The following SETDB1 variants were observed in gnomAD, a reference collection of about 807,000 sequenced individuals.
SETDB1 encodes the protein SET domain bifurcated histone lysine methyltransferase 1, also known as histone-lysine N-methyltransferase SETDB1.
A neutral mutation model predicts 137.4 loss-of-function variants in SETDB1; 31 were observed. The ratio of observed to expected loss-of-function variants is 0.23; its 90% CI spans 0.17 to 0.30. The LOEUF (loss-of-function observed/expected upper bound fraction) is 0.30. SETDB1 is among the 10% of genes least tolerant of loss of function. SETDB1 has a pLI of 1.00. For missense variants in SETDB1, 1,113 were observed against 1,631.5 expected, an observed-to-expected ratio of 0.68 and a Z score of 5.47; for synonymous variants, 548 against 579.9, an observed-to-expected ratio of 0.95 and a Z score of 0.79.
intron 17 of SETDB1, 66 bp downstream of exon 17, chr1:150,962,224 A>G: frequency 6.9e-7 from 1 of 1,445,194 alleles, no homozygotes; most frequent in South Asian, 1.1e-5. Flanking sequence ...GCTGGAGTGC[A>G]GTGGCGTAAT....
chr1:150,929,822 C>G (rs1253495275), intron 2 of SETDB1, 145 bp from the exon 3 acceptor site: 2 of 694,906 alleles, frequency 2.9e-6, no homozygotes, highest in East Asian at 5.2e-5. Flanking sequence ...AAAAAGCATT[C>G]TAAATTCTAA....
At chr1:150,954,082 C>T (rs1367461387) in intron 14 of SETDB1, among the ~76,000 whole-genome samples, 1 of 152,088 alleles carries the variant, frequency 6.6e-6, no homozygotes, top group Admixed American at 6.6e-5. Context: ...TCTCTATCTC[C>T]TGACCTCATG....
At chr1:150,943,423 T>C (rs1025956490) in intron 7 of SETDB1, among the ~76,000 whole-genome samples, 3 of 152,210 alleles carry the variant, frequency 2.0e-5, no homozygotes, top group Non-Finnish European at 4.4e-5. Flanking sequence ...ATCCCTGTAA[T>C]CTTAGCACTT....
intron 3 of SETDB1, among the ~76,000 whole-genome samples, chr1:150,937,057 G>A (rs1268625115): frequency 2.0e-5 from 3 of 152,090 alleles, no homozygotes; most frequent in Non-Finnish European, 4.4e-5. Context: ...CCCGGGAGGC[G>A]GAGGTTGCTG....
intron 2 of SETDB1, 75 bp from the exon 3 acceptor site, chr1:150,929,892 A>G (rs1313800104): frequency 2.7e-5 from 33 of 1,231,516 alleles, no homozygotes; most frequent in Non-Finnish European, 3.8e-5. Context: ...TTAAATATAT[A>G]TACATCGTAA....
intron 14 of SETDB1, among the ~76,000 whole-genome samples, chr1:150,958,031 A>G (rs1021359183): frequency 2.6e-5 from 4 of 152,014 alleles, no homozygotes; most frequent in African/African-American, 9.7e-5. Context: ...TACTAAAAAT[A>G]CAAAATTAGC....
chr1:150,945,951 C>G (rs189644199), intron 9 of SETDB1, among the ~76,000 whole-genome samples: 21 of 152,296 alleles, frequency 1.4e-4, no homozygotes, highest in Admixed American at 1.2e-3. Flanking sequence ...ATCCACCTGC[C>G]TTGTCCTCCC....
chr1:150,957,659 A>G (rs587683809), intron 14 of SETDB1, among the ~76,000 whole-genome samples: 6 of 152,338 alleles, frequency 3.9e-5, no homozygotes, highest in Admixed American at 3.9e-4. Flanking sequence ...GGTATGTGCT[A>G]GATCCCTCTG....
At chr1:150,927,276 C>T (rs1269265469) in intron 1 of SETDB1, among the ~76,000 whole-genome samples, 3 of 152,156 alleles carry the variant, frequency 2.0e-5, no homozygotes, top group Non-Finnish European at 4.4e-5. Context: ...AAGGCGTGCA[C>T]CACCACACGT....
rs372230718 is a variant in SETDB1, at chr1:150,927,854, A to C, written c.140A>C (p.Glu47Ala). 2.5e-6 allele frequency: 4 copies of C among 1,614,032 alleles called. No individual in the cohort carries two copies. The highest frequency in any genetic ancestry group is 3.4e-6 in the Non-Finnish European group (4 of 1,180,038). The change falls in exon 2 of 22, where the codon GAA becomes GCA. Residue 47 changes from glutamate (E) to alanine (A), a missense_variant. This residue lies in a region of SETDB1 where 159 missense variants were observed against 188.6 expected (regional missense o/e 0.84). Coordinates refer to ENST00000692827, the MANE Select transcript of SETDB1 (RefSeq NM_001366418.1). ...MEELRHFIDE[E>A]LEKMDCVQQR... ...GAACTTCGGCATTTCATCGATGAGG[A>C]ACTGGAGAAGATGGATTGTGTACAG...
chr1:150,961,568 T>C (rs941808913), intron 16 of SETDB1: 3 of 258,444 alleles, frequency 1.2e-5, no homozygotes, highest in African/African-American at 4.6e-5. Context: ...GGCAGGAGAA[T>C]CGCTTGAACC....
chr1:150,961,482 C>CGTCT (rs1670820887), intron 16 of SETDB1: 1 of 360,776 alleles, frequency 2.8e-6, no homozygotes, highest in Admixed American at 4.4e-5. Flanking sequence ...GGTGAAACCC[C>CGTCT]GTCTCTACTA....
chr1:150,952,005 G>A (rs920787646), intron 14 of SETDB1, among the ~76,000 whole-genome samples: 5 of 135,044 alleles, frequency 3.7e-5, no homozygotes, highest in Admixed American at 2.7e-4. Flanking sequence ...AAAATTAGCC[G>A]GGGGTGGTGG....
intron 15 of SETDB1, 61 bp from the exon 16 acceptor site, chr1:150,960,501 CA>C (rs377737157): frequency 0.015 from 12,785 of 858,136 alleles, no homozygotes; most frequent in South Asian, 0.02. Context: ...AAAAAGCAAA[CA>C]AAAAAAAAAA....
Position 150,961,708 on chromosome 1 carries a change from G to A in SETDB1, c.3133-422G>A, listed in dbSNP as rs111774211. 8.3e-4 allele frequency: 151 copies of A among 181,610 alleles called. 1 individual carries two copies. The highest frequency in any genetic ancestry group is 3.4e-3 in the African/African-American group (145 of 42,134). The allele number at this position is 181,610 out of a possible 1,614,324, so 11.2% of individuals were successfully genotyped here. On this transcript the variant is annotated intron_variant, in intron 16 of 21. Coordinates refer to ENST00000692827, the MANE Select transcript of SETDB1 (RefSeq NM_001366418.1). The stretch of plus-strand genomic sequence containing the variant: ...TTGCCTGGTGGTAGAGGGTGGACAA[G>A]TATCTGATTAATTACAAAATGAAAG...
chr1:150,928,804 C>A (rs587667612), intron 2 of SETDB1, among the ~76,000 whole-genome samples: 1 of 151,016 alleles, frequency 6.6e-6, no homozygotes. Flanking sequence ...TCCAGGTGTT[C>A]TCATTGTTCA....
intron 9 of SETDB1, among the ~76,000 whole-genome samples, chr1:150,946,526 A>G (rs903598466): frequency 2.0e-5 from 3 of 151,976 alleles, no homozygotes; most frequent in Non-Finnish European, 2.9e-5. Context: ...TCGGCTCACC[A>G]CAACCTCCGC....
intron 4 of SETDB1, among the ~76,000 whole-genome samples, chr1:150,940,700 A>T (rs901662793): frequency 2.0e-5 from 3 of 151,830 alleles, no homozygotes; most frequent in East Asian, 1.9e-4. Context: ...CCCCATCTCT[A>T]CTAAAAACAC....
chr1:150,946,606 A>G (rs947861405), intron 9 of SETDB1, among the ~76,000 whole-genome samples: 5 of 151,780 alleles, frequency 3.3e-5, no homozygotes, highest in African/African-American at 9.7e-5. Flanking sequence ...GCGCCACCAC[A>G]CCCGGCTAAT....
Sources: allele counts gnomAD v4.1 joint callset (sites outside exome capture counted in the v4.1 genomes callset), GRCh38; gene constraint gnomAD v4.1.1; regional missense constraint gnomAD v4.1.1; transcripts MANE v1.5; gene names NCBI Gene and HGNC (gene_info 2026-07-23, HGNC 2026-07-21).